The following HIBCH variants were observed in gnomAD, a reference collection of about 807,000 sequenced individuals.
HIBCH encodes the protein 3-hydroxyisobutyryl-CoA hydrolase.
HIBCH carries 50 observed loss-of-function variants against 58.2 expected under a neutral mutation model. That is an observed-to-expected ratio of 0.86 (90% confidence interval 0.68 to 1.09). The LOEUF (loss-of-function observed/expected upper bound fraction) is 1.09. Ranked by LOEUF, HIBCH falls within the 50% of genes least tolerant of loss-of-function variation. The probability of loss-of-function intolerance (pLI) is 0.00; values close to 1 mark genes in which losing one functional copy is unlikely to be tolerated. For missense variants in HIBCH, 450 were observed against 449.7 expected (o/e 1.00, Z -0.01); for synonymous variants, 151 against 146.9 (o/e 1.03, Z -0.20).
At chr2:190,278,117 C>T (rs1390664689) in intron 6 of HIBCH, among the ~76,000 whole-genome samples, 2 of 152,180 alleles carry the variant, frequency 1.3e-5, no homozygotes, top group Non-Finnish European at 2.9e-5. Context: ...ACTCCCCTCC[C>T]CCTAGAATCA....
chr2:190,296,866 A>G lies in HIBCH; in HGVS notation c.166T>C (p.Phe56Leu). ...ATATTAAGAGTCAGTGCATTGAGGA[A>G]CTTTGGTCTGTTTAGTGTTATGACT... ...TGVITLNRPK[F>L]LNALTLNMIR... Residue 56 changes from phenylalanine (F) to leucine (L), a missense_variant, in exon 3 of 14, where the codon TTC becomes CTC. Coordinates refer to ENST00000359678, the MANE Select transcript of HIBCH (RefSeq NM_014362.4). The G allele has an allele frequency of 6.2e-7, 1 of 1,613,930 alleles. No homozygotes were observed. Among genetic ancestry groups the G allele is most frequent in the Non-Finnish European group, 8.5e-7 (1 of 1,179,846 alleles).
At chr2:190,296,369 G>A (rs965546693) in intron 3 of HIBCH, among the ~76,000 whole-genome samples, 8 of 150,088 alleles carry the variant, frequency 5.3e-5, no homozygotes, top group South Asian at 2.1e-4. Flanking sequence ...GCAGTGAGCC[G>A]AGATGGTGCC....
chr2:190,270,083 G>T (rs1304370197), intron 6 of HIBCH, among the ~76,000 whole-genome samples: 1 of 152,076 alleles, frequency 6.6e-6, no homozygotes, highest in Non-Finnish European at 1.5e-5. Context: ...GAGGAGCAAG[G>T]GGAGGCAGAG....
At chr2:190,259,610 T>C (rs1465004129) in intron 7 of HIBCH, among the ~76,000 whole-genome samples, 3 of 152,204 alleles carry the variant, frequency 2.0e-5, no homozygotes, top group Non-Finnish European at 4.4e-5. Context: ...TTTATTCTTT[T>C]TGATGCTTTT....
In HIBCH at chr2:190,211,015, T is replaced by C. The variant is rs1690502084; in HGVS notation, c.1011+1941A>G. On this transcript the variant is annotated intron_variant, in intron 12 of 13. Transcript: ENST00000359678. The surrounding 1 kb of genome is among the most constrained non-coding windows in gnomAD (Gnocchi z 5.0). The stretch of plus-strand genomic sequence containing the variant: ...TCTTGTTTACAGTCTATTTCCCCAT[T>C]ATAAAGTAAGTTCCATGAGGGCAGG... Among the ~76,000 whole-genome samples, 1 of 152,110 alleles carries C rather than the reference T, an allele frequency of 6.6e-6. No homozygotes were observed.
intron 1 of HIBCH, among the ~76,000 whole-genome samples, chr2:190,314,958 T>A (rs1688676611): frequency 6.6e-6 from 1 of 152,054 alleles, no homozygotes; most frequent in Non-Finnish European, 1.5e-5. Flanking sequence ...CCGCTCCTTT[T>A]TTTTTTTGAG....
intron 7 of HIBCH, among the ~76,000 whole-genome samples, chr2:190,256,028 G>C (rs1330101496): frequency 6.6e-6 from 1 of 152,106 alleles, no homozygotes; most frequent in East Asian, 1.9e-4. Flanking sequence ...ATGGTAGTAG[G>C]AGAAAAAAGA....
rs1338781379 is a variant in HIBCH, at chr2:190,197,553, T to C, written c.*17+7547A>G. The stretch of plus-strand genomic sequence containing the variant: ...CAGCTGTTTTAGTAACCCTAACCTC[T>C]GTTGCATCAGAGTTGCCACTCTCTG... On this transcript the variant is annotated intron_variant, in intron 1 of 1. Coordinates refer to the HIBCH transcript ENST00000399855. This position sits in a 1 kb window ranked among gnomAD's most constrained non-coding sequence, Gnocchi z 4.0. 1.3e-5 allele frequency among the ~76,000 whole-genome samples: 2 copies of C among 152,208 alleles called. No homozygotes were observed. Among genetic ancestry groups the C allele is most frequent in the Non-Finnish European group, 2.9e-5 (2 of 68,050 alleles).
In HIBCH at chr2:190,206,694, C is replaced by G. The variant is rs568182303; in HGVS notation, c.1046-1462G>C. ...TTTTAACAACTGTTAAATTTGCTAACTTACTTTAACTTGCTAATATGTTTT... is the reference window on the plus strand; with the variant it reads ...TTTTAACAACTGTTAAATTTGCTAAGTTACTTTAACTTGCTAATATGTTTT... On this transcript the variant is annotated intron_variant, in intron 13 of 13. Transcript: ENST00000359678. This position sits in a 1 kb window ranked among gnomAD's most constrained non-coding sequence, Gnocchi z 5.1. Among the ~76,000 whole-genome samples the G allele has an allele frequency of 6.6e-6, 1 of 152,178 alleles. No homozygotes were observed. Among genetic ancestry groups the G allele is most frequent in the East Asian group, 1.9e-4 (1 of 5,202 alleles).
At chr2:190,319,008 C>T (rs1688778812) in intron 1 of HIBCH, among the ~76,000 whole-genome samples, 1 of 152,100 alleles carries the variant, frequency 6.6e-6, no homozygotes, top group African/African-American at 2.4e-5. Flanking sequence ...TAATTTAAGT[C>T]GTCCTTATTT....
intron 1 of HIBCH, among the ~76,000 whole-genome samples, chr2:190,191,502 G>A (rs920151978): frequency 1.3e-5 from 2 of 152,138 alleles, no homozygotes; most frequent in African/African-American, 2.4e-5. Flanking sequence ...AAATTTCTAG[G>A]AGTGGGATTG....
At chr2:190,299,974 C>T (rs1044880752) in intron 2 of HIBCH, among the ~76,000 whole-genome samples, 4 of 152,144 alleles carry the variant, frequency 2.6e-5, no homozygotes, top group African/African-American at 4.8e-5. Flanking sequence ...CAGGTCCCTC[C>T]ATGTTCCTGC....
intron 2 of HIBCH, among the ~76,000 whole-genome samples, chr2:190,308,335 G>A (rs1020985126): frequency 3.3e-5 from 5 of 151,944 alleles, no homozygotes; most frequent in Non-Finnish European, 5.9e-5. Flanking sequence ...AATAAGTAAG[G>A]GTAGTGCTAT....
intron 9 of HIBCH, among the ~76,000 whole-genome samples, chr2:190,246,641 T>C (rs753104147): frequency 6.6e-6 from 1 of 152,192 alleles, no homozygotes; most frequent in Non-Finnish European, 1.5e-5. Context: ...TCACAAATGC[T>C]AGAACAACTG....
intron 7 of HIBCH, among the ~76,000 whole-genome samples, chr2:190,258,881 T>C (rs1687005844): frequency 1.3e-5 from 2 of 152,218 alleles, no homozygotes; most frequent in South Asian, 4.1e-4. Flanking sequence ...GAGACTGTCC[T>C]TTCACCATTA....
In HIBCH at chr2:190,243,621, T is replaced by G. The variant is rs1419282032; in HGVS notation, c.891+1266A>C. Among the ~76,000 whole-genome samples, 1 of 152,174 alleles carries G rather than the reference T, an allele frequency of 6.6e-6. No homozygotes were observed. The highest frequency in any genetic ancestry group is 1.9e-4 in the East Asian group (1 of 5,196). On this transcript the variant is annotated intron_variant, in intron 11 of 13. Coordinates refer to ENST00000359678, the MANE Select transcript of HIBCH (RefSeq NM_014362.4). This position sits in a 1 kb window ranked among gnomAD's most constrained non-coding sequence, Gnocchi z 4.1. ...CCATCCTTGAAAGTTAACAAAATTT[T>G]AATACTGTATAAGATCCCATGGGAG...
chr2:190,272,679 A>G (rs1687430755), intron 6 of HIBCH, among the ~76,000 whole-genome samples: 1 of 151,932 alleles, frequency 6.6e-6, no homozygotes, highest in Non-Finnish European at 1.5e-5. Context: ...TAGATCTCAG[A>G]ATCTGTAAGT....
intron 9 of HIBCH, 23 bp downstream of exon 9, chr2:190,249,617 G>C: frequency 3.6e-6 from 5 of 1,381,322 alleles, no homozygotes; most frequent in Non-Finnish European, 2.1e-6. Context: ...TAAAACCTGA[G>C]GTTAGAATAT....
At chr2:190,291,959 ACACT>A (rs1687969105) in intron 4 of HIBCH, among the ~76,000 whole-genome samples, 1 of 152,168 alleles carries the variant, frequency 6.6e-6, no homozygotes, top group East Asian at 1.9e-4. Flanking sequence ...ACCAATTCTT[ACACT>A]AACTCTAGAA....
Sources: gnomAD v4.1 joint callset for allele counts (sites outside exome capture counted in the v4.1 genomes callset) on GRCh38, gnomAD v4.1.1 for gene constraint, Gnocchi (gnomAD v3.1) non-coding constraint, MANE v1.5 for transcripts, NCBI Gene and HGNC (gene_info 2026-07-23, HGNC 2026-07-21) for gene names.